Variants in MBD1 observed in about 807,000 individuals in gnomAD.
MBD1 encodes methyl-CpG-binding domain protein 1.
Under a neutral mutation model 82.6 loss-of-function variants are expected in MBD1, and 25 were observed. The observed-to-expected ratio is 0.30, with a 90% CI of 0.22 to 0.42. The LOEUF is 0.42. MBD1 is among the 10% of genes least tolerant of loss of function. MBD1 has a pLI of 1.00. For synonymous variants in MBD1, 301 were observed against 303.7 expected (o/e 0.99, Z 0.09); for missense variants, 627 against 819.6 (o/e 0.76, Z 2.87).
downstream of MBD1, chr18:50,267,338 A>T (rs1355749034): frequency 2.1e-6 from 1 of 481,262 alleles, no homozygotes; most frequent in Non-Finnish European, 3.7e-6. Context: ...AAACCAAATA[A>T]CCAGTAATAA....
downstream of MBD1, chr18:50,267,544 C>A (rs1488130328): frequency 1.6e-6 from 2 of 1,279,590 alleles, no homozygotes; most frequent in African/African-American, 2.9e-5. Context: ...AGTCCAGTAA[C>A]TGGTTTCTGA....
intron 8 of MBD1, 110 bp downstream of exon 8, chr18:50,275,490 G>C: frequency 6.2e-7 from 1 of 1,600,270 alleles, no homozygotes; most frequent in Non-Finnish European, 8.5e-7. Flanking sequence ...GCGAGCATAG[G>C]GTTAGGCAGA....
Position 50,279,940 on chromosome 18 carries a change from C to A in MBD1, c.53G>T (p.Arg18Leu). The A allele has an allele frequency of 6.2e-7, 1 of 1,613,274 alleles. No homozygotes were observed. The highest frequency in any genetic ancestry group is 8.5e-7 in the Non-Finnish European group (1 of 1,179,994). Residue 18 changes from arginine to leucine, a missense_variant, in exon 2 of 17, where the codon CGC becomes CTC. Physicochemically the swap from Arg to Leu is moderately radical, Grantham distance 102. Around this residue, in one of 6 missense-constraint regions of MBD1, gnomAD observed 42 missense variants for 90.4 expected, o/e 0.46. Coordinates refer to ENST00000269468, the MANE Select transcript of MBD1 (RefSeq NM_015846.4). ...CPALGPGWKR[R>L]EVFRKSGATC... ...GGCCCCTGACTTGCGAAAGACTTCG[C>A]GGCGCTTCCAGCCAGGGCCCAGGGC...
At chr18:50,271,195 T>C (rs186456779) in intron 16 of MBD1, 3 of 1,298,632 alleles carry the variant, frequency 2.3e-6, no homozygotes, top group Admixed American at 6.6e-5. Flanking sequence ...TTTAATTATA[T>C]TACCTTTCTC....
At chr18:50,268,136 G>T (rs1414159304), downstream of MBD1, among the ~76,000 whole-genome samples, 1 of 152,214 alleles carries the variant, frequency 6.6e-6, no homozygotes, top group African/African-American at 2.4e-5. Context: ...CGAGTCCAAC[G>T]GGCTCCGGGC....
At chr18:50,277,395 T>C (rs1389741365) in intron 2 of MBD1, among the ~76,000 whole-genome samples, 191 bp from the exon 3 acceptor site, 1 of 152,032 alleles carries the variant, frequency 6.6e-6, no homozygotes, top group African/African-American at 2.4e-5. Flanking sequence ...ATAGAAACAT[T>C]AGAAACAATA....
chr18:50,272,531 C>A, intron 15 of MBD1, 146 bp downstream of exon 15: 2 of 859,830 alleles, frequency 2.3e-6, no homozygotes, highest in South Asian at 2.7e-5. Flanking sequence ...TACACACACG[C>A]CCCTCATTAA....
rs755054659 is a variant in MBD1, at chr18:50,275,551, C to T, written c.792+49G>A. The stretch of plus-strand genomic sequence containing the variant: ...CCAGGTTGAAAGGAAGCAGAGGCAG[C>T]GACGATTTTAACAGCAGAATGAGCT... On this transcript the variant is annotated intron_variant, in intron 8 of 16. Transcript: ENST00000269468. The T allele has an allele frequency of 1.4e-5, 23 of 1,613,602 alleles. No individual in the cohort carries two copies. In the Middle Eastern group the frequency reaches 9.9e-4, roughly 69 times the overall value.
chr18:50,275,790 A>G (rs1366724461), intron 7 of MBD1, 45 bp downstream of exon 7: 52 of 1,613,958 alleles, frequency 3.2e-5, no homozygotes, highest in East Asian at 8.9e-5. Context: ...CATGGGGGCC[A>G]GGGGCCGAGG....
intron 15 of MBD1, 145 bp from the exon 16 acceptor site, chr18:50,271,685 T>C (rs2035609972): frequency 5.5e-6 from 5 of 906,286 alleles, no homozygotes; most frequent in Admixed American, 2.0e-5. Context: ...TTCTAAAAAC[T>C]ACCATTATAG....
At position 50,269,147 on chromosome 18, in the gene MBD1, A is replaced by G. The variant is rs1304650024; in HGVS notation, c.*704T>C. On this transcript the variant is annotated 3_prime_UTR_variant, in exon 17 of 17. Coordinates refer to ENST00000269468, the MANE Select transcript of MBD1 (RefSeq NM_015846.4). ...GGCCAGGTTCTCAATACTTGAATAA[A>G]TGACACAAAAATAGCCAGGACCAGC... is the stretch of plus-strand genomic sequence containing the variant. 1 of 1,038,186 alleles carries G rather than the reference A, an allele frequency of 9.6e-7. No individual in the cohort carries two copies. Among genetic ancestry groups the G allele is most frequent in the African/African-American group, 1.7e-5 (1 of 58,456 alleles). 64.3% of individuals were successfully genotyped at this position (1,038,186 alleles called of 1,614,324 possible).
At chr18:50,274,876 C>T in intron 10 of MBD1, 101 bp downstream of exon 10, 2 of 1,217,494 alleles carry the variant, frequency 1.6e-6, no homozygotes, top group Non-Finnish European at 1.2e-6. Flanking sequence ...CATTATTGTG[C>T]CTTGCTGTTC....
Position 50,281,505 on chromosome 18 carries a change from G to T in MBD1, c.-168C>A, listed in dbSNP as rs1383386671. 3.5e-6 allele frequency: 2 copies of T among 578,596 alleles called. No individual in the cohort carries two copies. The highest frequency in any genetic ancestry group is 6.1e-6 in the Non-Finnish European group (2 of 325,864). The allele number at this position is 578,596 out of a possible 1,614,324, so 35.8% of individuals were successfully genotyped here. On this transcript the variant is annotated 5_prime_UTR_variant, in exon 1 of 17. Coordinates refer to ENST00000269468, the MANE Select transcript of MBD1 (RefSeq NM_015846.4). ...CTCTGAAGCGGTAGCTGTCGCCTCCGCGGCTGTTCGTTGCTCCCGGAACCG... is the reference window on the plus strand; with the variant it reads ...CTCTGAAGCGGTAGCTGTCGCCTCCTCGGCTGTTCGTTGCTCCCGGAACCG...
intron 1 of MBD1, chr18:50,281,148 A>C (rs1599615883): frequency 2.0e-6 from 3 of 1,532,394 alleles, no homozygotes; most frequent in Non-Finnish European, 2.6e-6. Context: ...TCGTCCCAGG[A>C]TCCCGACACT....
In MBD1 at chr18:50,273,418, T is replaced by C; in HGVS notation, c.1500A>G (p.Gln500=). The change falls in exon 13 of 17, where the codon CAA becomes CAG. Residue 500 remains glutamine, a synonymous_variant. Transcript: ENST00000269468. ...SWVVALPQVK[Q]EKADTQDEWT... The stretch of plus-strand genomic sequence containing the variant: ...ACTCGTCCTGGGTATCCGCCTTCTC[T>C]TGCTTCACCTGGGGTAAGGCCACAA... The C allele has an allele frequency of 6.2e-7, 1 of 1,614,192 alleles. No homozygotes were observed. The highest frequency in any genetic ancestry group is 8.5e-7 in the Non-Finnish European group (1 of 1,180,024).
At chr18:50,271,437 T>G (rs1214670137) in intron 16 of MBD1, 32 bp downstream of exon 16, 41 of 1,613,960 alleles carry the variant, frequency 2.5e-5, no homozygotes, top group Non-Finnish European at 3.4e-5. Flanking sequence ...AGATCAGTGT[T>G]GTCTCTCATA....
chr18:50,269,984 T>C (rs2034796888), intron 16 of MBD1, 166 bp from the exon 17 acceptor site: 1 of 1,587,112 alleles, frequency 6.3e-7, no homozygotes, highest in Non-Finnish European at 8.6e-7. Flanking sequence ...CTAACATAAA[T>C]GGTCAGCAGA....
chr18:50,267,373 T>C (rs2034043312), downstream of MBD1: 1 of 513,802 alleles, frequency 1.9e-6, no homozygotes, highest in South Asian at 3.1e-5. Flanking sequence ...AACCTGTTAA[T>C]AAAATCTTCC....
chr18:50,267,738 C>T (rs2034075638), downstream of MBD1: 3 of 966,432 alleles, frequency 3.1e-6, no homozygotes, highest in Admixed American at 6.0e-5. Flanking sequence ...CTTGTGAGCA[C>T]ATGCAACAAA....
Sources: allele counts gnomAD v4.1 joint callset (sites outside exome capture counted in the v4.1 genomes callset), GRCh38; gene constraint gnomAD v4.1.1; regional missense constraint gnomAD v4.1.1; transcripts MANE v1.5; gene names NCBI Gene and HGNC (gene_info 2026-07-23, HGNC 2026-07-21).